SCN1B: variants seen among roughly 807,000 people sequenced by gnomAD.
The protein encoded by SCN1B is sodium voltage-gated channel beta subunit 1.
In SCN1B, 11 loss-of-function variants were observed where a neutral mutation model predicts 25.7. The observed-to-expected ratio is 0.43, with a 90% CI of 0.27 to 0.71. The LOEUF is 0.71. Among genes scored for constraint, SCN1B ranks in the 30% least tolerant of loss-of-function variants. The pLI, the probability that SCN1B is intolerant of heterozygous loss-of-function variation, is 0.21. For synonymous variants in SCN1B, 119 were observed against 117.5 expected (o/e 1.01, Z -0.08); for missense variants, 224 against 291.5 (o/e 0.77, Z 1.69).
chr19:35,033,151 C>G (rs1460313881), intron 2 of SCN1B, among the ~76,000 whole-genome samples: 1 of 151,988 alleles, frequency 6.6e-6, no homozygotes, highest in East Asian at 1.9e-4. Flanking sequence ...GTTGGGGTCT[C>G]CAGCTGCTGG....
Position 35,030,471 on chromosome 19 carries a change from G to A in SCN1B, c.-350G>A. 1 of 175,586 alleles carries A rather than the reference G, an allele frequency of 5.7e-6. No individual in the cohort carries two copies. 10.9% of individuals were successfully genotyped at this position (175,586 alleles called of 1,614,324 possible). On this transcript the variant is annotated 5_prime_UTR_variant, in exon 1 of 6. It adds an upstream start codon to the 5' untranslated region. Transcript: ENST00000262631. ...CGCCGCCGCCGCCGCCGCCGCTGCA[G>A]TGCGCAGGAGACCGCGGTCCGCGCC...
chr19:35,031,451 G>A (rs908718859), intron 1 of SCN1B: 1 of 152,428 alleles, frequency 6.6e-6, no homozygotes, highest in African/African-American at 2.4e-5. Flanking sequence ...AGAGAAGAGA[G>A]AGGGAGATGC....
rs200222933 is a variant in SCN1B, at chr19:35,033,747, G to T, written c.448+8G>T. 1.1e-5 allele frequency: 17 copies of T among 1,614,044 alleles called. No individual in the cohort carries two copies. The East Asian group carries it at 3.8e-4, about 36-fold the overall frequency. ...TTGAGGTAGTGGACAAAGGTGAGTC[G>T]GGTGCTGCCTGCCCCTTTACCGTCA... On this transcript the variant is annotated splice_region_variant and intron_variant, in intron 3 of 5. Coordinates refer to ENST00000262631, the MANE Select transcript of SCN1B (RefSeq NM_001037.5).
chr19:35,035,687 T>G (rs2064243545), intron 3 of SCN1B: 1 of 152,220 alleles, frequency 6.6e-6, no homozygotes, highest in Non-Finnish European at 1.5e-5. Context: ...GTTCCTTATG[T>G]TGGCCCTGCA....
At chr19:35,039,567 C>T (rs2064271766) in intron 4 of SCN1B, 68 bp from the exon 5 acceptor site, 17 of 1,494,774 alleles carry the variant, frequency 1.1e-5, no homozygotes, top group Non-Finnish European at 1.6e-5. Flanking sequence ...CCGCTACCTT[C>T]CCCCATCCCC....
intron 4 of SCN1B, 130 bp downstream of exon 4, chr19:35,039,388 A>C (rs533103957): frequency 1.6e-6 from 2 of 1,286,018 alleles, no homozygotes; most frequent in South Asian, 1.2e-5. Context: ...TACTACCCAG[A>C]GGGGAGTGCT....
Position 35,040,099 on chromosome 19 carries a change from A to C in SCN1B, c.*308A>C. ...GGTGAGGTGGGGGCAGCGGCCCCGC[A>C]CCCCTCCTCCTTGCTGATTTGCACA... On this transcript the variant is annotated 3_prime_UTR_variant, in exon 6 of 6. Coordinates refer to ENST00000262631, the MANE Select transcript of SCN1B (RefSeq NM_001037.5). 1 of 272,522 alleles carries C rather than the reference A, an allele frequency of 3.7e-6. No homozygotes were observed. Among genetic ancestry groups the C allele is most frequent in the Non-Finnish European group, 7.3e-6 (1 of 137,576 alleles). The allele number at this position is 272,522 out of a possible 1,614,324, so 16.9% of individuals were successfully genotyped here.
chr19:35,034,541 C>T (rs903870552), intron 3 of SCN1B: 2 of 191,382 alleles, frequency 1.0e-5, no homozygotes, highest in African/African-American at 4.7e-5. Flanking sequence ...TGCAATTGTC[C>T]AGCGCCCTGT....
Position 35,039,625 on chromosome 19 carries a change from T to TC in SCN1B, c.591-5dup. ...ATGGGGTCACTGTATACCTGGCCTTTCCCCCACAGCTCGGAATACCTGGCC... is the reference window on the plus strand; with the variant it reads ...ATGGGGTCACTGTATACCTGGCCTTTCCCCCCACAGCTCGGAATACCTGGCC... On this transcript the variant is annotated splice_polypyrimidine_tract_variant and intron_variant, in intron 4 of 5. Coordinates refer to ENST00000262631, the MANE Select transcript of SCN1B (RefSeq NM_001037.5). The TC allele has an allele frequency of 1.9e-6, 3 of 1,613,984 alleles. No individual in the cohort carries two copies. Among genetic ancestry groups the TC allele is most frequent in the Non-Finnish European group, 2.5e-6 (3 of 1,179,932 alleles).
chr19:35,038,630 C>A, intron 3 of SCN1B: 1 of 221,214 alleles, frequency 4.5e-6, no homozygotes, highest in Non-Finnish European at 9.2e-6. Context: ...GCTTTATAGC[C>A]CCAGTTATAA....
At chr19:35,035,798 T>A (rs1383143969) in intron 3 of SCN1B, 1 of 152,242 alleles carries the variant, frequency 6.6e-6, no homozygotes, top group Non-Finnish European at 1.5e-5. Flanking sequence ...TAGTATTTTA[T>A]ATTACCCACT....
Position 35,040,110 on chromosome 19 carries a change from T to C in SCN1B, c.*319T>C. On this transcript the variant is annotated 3_prime_UTR_variant, in exon 6 of 6. Coordinates refer to ENST00000262631, the MANE Select transcript of SCN1B (RefSeq NM_001037.5). ...GGCAGCGGCCCCGCACCCCTCCTCC[T>C]TGCTGATTTGCACACATTGGCCGCT... 1 of 270,556 alleles carries C rather than the reference T, an allele frequency of 3.7e-6. No homozygotes were observed. The highest frequency in any genetic ancestry group is 7.3e-6 in the Non-Finnish European group (1 of 136,094). 16.8% of individuals were successfully genotyped at this position (270,556 alleles called of 1,614,324 possible).
intron 3 of SCN1B, chr19:35,034,464 C>A (rs1256780347): frequency 7.4e-6 from 2 of 271,096 alleles, no homozygotes; most frequent in African/African-American, 2.2e-5. Context: ...TTTGCCTCAG[C>A]CACCCTGGAC....
Position 35,039,932 on chromosome 19 carries a change from G to A in SCN1B, c.*141G>A, listed in dbSNP as rs2064276014. 1.7e-6 allele frequency: 1 copy of A among 590,708 alleles called. No individual in the cohort carries two copies. The highest frequency in any genetic ancestry group is 1.9e-5 in the African/African-American group (1 of 53,426). The allele number at this position is 590,708 out of a possible 1,614,324, so 36.6% of individuals were successfully genotyped here. On this transcript the variant is annotated 3_prime_UTR_variant, in exon 6 of 6. Coordinates refer to ENST00000262631, the MANE Select transcript of SCN1B (RefSeq NM_001037.5). Reference sequence around the variant, plus strand: ...TGCCGACGGAGCCACTGGGGTGGGAGGGGGCAGGGGGCTTGGCTCGCACCC... The same window carrying A: ...TGCCGACGGAGCCACTGGGGTGGGAAGGGGCAGGGGGCTTGGCTCGCACCC...
At chr19:35,036,749 ATTATTAT>A (rs2064250546) in intron 3 of SCN1B, 1 of 146,320 alleles carries the variant, frequency 6.8e-6, no homozygotes, top group African/African-American at 2.6e-5. Flanking sequence ...TATTATTATT[ATTATTAT>A]TATTATTATT....
At position 35,039,222 on chromosome 19, in the gene SCN1B, T is replaced by C; in HGVS notation, c.554T>C (p.Ile185Thr). The stretch of plus-strand genomic sequence containing the variant: ...GAGATGATTTACTGCTACAAGAAGA[T>C]CGCTGCCGCCACGGAGACTGCTGCA... ...VAEMIYCYKK[I>T]AAATETAAQE... Residue 185 changes from isoleucine (I) to threonine (T), a missense_variant, in exon 4 of 6, where the codon ATC becomes ACC. Coordinates refer to ENST00000262631, the MANE Select transcript of SCN1B (RefSeq NM_001037.5). 6.2e-7 allele frequency: 1 copy of C among 1,614,032 alleles called. No homozygotes were observed. The highest frequency in any genetic ancestry group is 8.5e-7 in the Non-Finnish European group (1 of 1,180,024).
chr19:35,032,808 C>A lies in SCN1B; in HGVS notation c.207+114C>A, dbSNP rs2064222998. On this transcript the variant is annotated intron_variant, in intron 2 of 5. Transcript: ENST00000262631. The surrounding 1 kb of genome is among the most constrained non-coding windows in gnomAD (Gnocchi z 4.3). ...TTTAATAATATGCTGTGATTGCTGA[C>A]CTGGATTCAGATTCTGGCTCCACCA... 7.8e-7 allele frequency: 1 copy of A among 1,279,100 alleles called. No individual in the cohort carries two copies. Among genetic ancestry groups the A allele is most frequent in the Non-Finnish European group, 1.1e-6 (1 of 904,888 alleles). The allele number at this position is 1,279,100 out of a possible 1,614,324, so 79.2% of individuals were successfully genotyped here. A position where few individuals can be genotyped will look rare whatever the true frequency, so the allele number is the denominator to read the frequency against.
In SCN1B at chr19:35,034,279, C is replaced by T; in HGVS notation, c.448+540C>T. ...GCCACCTAGAGCAGAGTTCCGCACACCCCTCTGCACTCCTGCCCCGGGGGA... is the reference window on the plus strand; with the variant it reads ...GCCACCTAGAGCAGAGTTCCGCACATCCCTCTGCACTCCTGCCCCGGGGGA... On this transcript the variant is annotated intron_variant, in intron 3 of 5. Coordinates refer to ENST00000262631, the MANE Select transcript of SCN1B (RefSeq NM_001037.5). 3 of 1,079,112 alleles carry T rather than the reference C, an allele frequency of 2.8e-6. 1 individual carries two copies. In the South Asian group the frequency reaches 4.8e-5, roughly 17 times the overall value. The allele number at this position is 1,079,112 out of a possible 1,614,324, so 66.8% of individuals were successfully genotyped here.
At chr19:35,034,023 T>A (rs1207397062) in intron 3 of SCN1B, 1 of 1,549,494 alleles carries the variant, frequency 6.5e-7, no homozygotes, top group African/African-American at 1.4e-5. Flanking sequence ...GCAGGTGCCT[T>A]CTGTCTCTGA....
Sources: allele counts gnomAD v4.1 joint callset (sites outside exome capture counted in the v4.1 genomes callset), GRCh38; gene constraint gnomAD v4.1.1; non-coding constraint Gnocchi (gnomAD v3.1); transcripts MANE v1.5; gene names NCBI Gene and HGNC (gene_info 2026-07-23, HGNC 2026-07-21).